PPARA: variants seen among roughly 807,000 people sequenced by gnomAD.
PPARA encodes peroxisome proliferator activated receptor alpha.
In PPARA, 22 loss-of-function variants were observed where a neutral mutation model predicts 42.2. The observed-to-expected ratio is 0.52, with a 90% CI of 0.37 to 0.74. PPARA has a LOEUF of 0.74. PPARA is among the 30% of genes least tolerant of loss of function. The pLI is 0.00. For missense variants in PPARA, 465 were observed against 608.2 expected (o/e 0.76, Z 2.48); for synonymous variants, 242 against 239.3 (o/e 1.01, Z -0.10).
intron 4 of PPARA, among the ~76,000 whole-genome samples, chr22:46,208,140 T>C (rs926166281): frequency 2.0e-5 from 3 of 152,216 alleles, no homozygotes; most frequent in Non-Finnish European, 2.9e-5. Context: ...AAATAATAAT[T>C]GTATTTTTAT....
chr22:46,167,869 T>G lies in PPARA; in HGVS notation c.-126-8884T>G. Among the ~76,000 whole-genome samples, 1 of 142,954 alleles carries G rather than the reference T, an allele frequency of 7.0e-6. No homozygotes were observed. The allele number at this position is 142,954 out of a possible 152,430, so 93.8% of individuals were successfully genotyped here. Reference sequence around the variant, plus strand: ...AGCAGCCTGGGCAACATAACAAGAGTGGGTCTTTACCAAAAAAAAAAAATA... The same window carrying G: ...AGCAGCCTGGGCAACATAACAAGAGGGGGTCTTTACCAAAAAAAAAAAATA... On this transcript the variant is annotated intron_variant, in intron 2 of 8. Coordinates refer to ENST00000407236, the MANE Select transcript of PPARA (RefSeq NM_005036.6). This position sits in a 1 kb window ranked among gnomAD's most constrained non-coding sequence, Gnocchi z 4.1.
Position 46,204,945 on chromosome 22 carries a change from G to T in PPARA, c.208+6354G>T, listed in dbSNP as rs1933079916. Among the ~76,000 whole-genome samples the T allele has an allele frequency of 2.0e-5, 3 of 151,940 alleles. No individual in the cohort carries two copies. The South Asian group carries it at 6.2e-4, about 32-fold the overall frequency. ...TGCAGTGGTGCGATCATGGCTTACT[G>T]CAGCCTTGACCTCTTGGGCTCAGGA... On this transcript the variant is annotated intron_variant, in intron 4 of 8. Coordinates refer to ENST00000407236, the MANE Select transcript of PPARA (RefSeq NM_005036.6). This position sits in a 1 kb window ranked among gnomAD's most constrained non-coding sequence, Gnocchi z 5.2.
rs1601779158 is a variant in PPARA, at chr22:46,216,711, C to A, written c.369+1378C>A. Among the ~76,000 whole-genome samples, 1 of 152,228 alleles carries A rather than the reference C, an allele frequency of 6.6e-6. No individual in the cohort carries two copies. The highest frequency in any genetic ancestry group is 1.5e-5 in the Non-Finnish European group (1 of 68,036). ...ATCTTCATCCTCCTGCTGGCTCAGCCTGCCCTAAACAGATGTGACCTGGGC... is the reference window on the plus strand; with the variant it reads ...ATCTTCATCCTCCTGCTGGCTCAGCATGCCCTAAACAGATGTGACCTGGGC... On this transcript the variant is annotated intron_variant, in intron 5 of 8. Transcript: ENST00000407236. This position sits in a 1 kb window ranked among gnomAD's most constrained non-coding sequence, Gnocchi z 4.5.
In PPARA at chr22:46,193,426, ATAACT is replaced by A. The variant is rs758384184; in HGVS notation, c.-42-4912_-42-4908del. ...TAATAACTTAATGGTATATTTTTAA[ATAACT>A]TAAAGAGTATAATTGGATTGTTGTA... On this transcript the variant is annotated intron_variant, in intron 3 of 8. Transcript: ENST00000407236. This position sits in a 1 kb window ranked among gnomAD's most constrained non-coding sequence, Gnocchi z 5.3. Among the ~76,000 whole-genome samples, 3 of 152,158 alleles carry A rather than the reference ATAACT, an allele frequency of 2.0e-5. No homozygotes were observed. The highest frequency in any genetic ancestry group is 2.9e-5 in the Non-Finnish European group (2 of 68,030).
rs749157002 is a variant in PPARA at position 46,192,535 on chromosome 22, C to T, written c.-42-5807C>T. ...ACAATTTTCATATACTCTGTTTCAT[C>T]GTTCTCAAAGGAATATTTTGATTGA... On this transcript the variant is annotated intron_variant, in intron 3 of 8. Coordinates refer to ENST00000407236, the MANE Select transcript of PPARA (RefSeq NM_005036.6). The surrounding 1 kb of genome is among the most constrained non-coding windows in gnomAD (Gnocchi z 4.3). Among the ~76,000 whole-genome samples the T allele has an allele frequency of 2.6e-5, 4 of 152,136 alleles. No individual in the cohort carries two copies. The highest frequency in any genetic ancestry group is 4.4e-5 in the Non-Finnish European group (3 of 68,034).
At position 46,236,916 on chromosome 22, in the gene PPARA, A is replaced by G. The variant is rs1455098427; in HGVS notation, c.*1536A>G. On this transcript the variant is annotated 3_prime_UTR_variant, in exon 9 of 9. Coordinates refer to ENST00000407236, the MANE Select transcript of PPARA (RefSeq NM_005036.6). The surrounding 1 kb of genome is among the most constrained non-coding windows in gnomAD (Gnocchi z 5.2). The stretch of plus-strand genomic sequence containing the variant: ...TTTAGCCTTCAAAACCAACTTACCA[A>G]CCTCAGTCCAGCTGGGAAGGCAGCG... The G allele has an allele frequency of 2.0e-5, 3 of 152,100 alleles. No homozygotes were observed. Among genetic ancestry groups the G allele is most frequent in the African/African-American group, 7.2e-5 (3 of 41,410 alleles). 9.4% of individuals were successfully genotyped at this position (152,100 alleles called of 1,614,324 possible). A position where few individuals can be genotyped will look rare whatever the true frequency, so the allele number is the denominator to read the frequency against.
chr22:46,172,319 A>T (rs895249735), intron 2 of PPARA, among the ~76,000 whole-genome samples: 6 of 36,346 alleles, frequency 1.7e-4, no homozygotes, highest in Non-Finnish European at 2.5e-4. Context: ...GCAAGTAATT[A>T]AAAAAAAAAA....
Position 46,163,748 on chromosome 22 carries a change from G to A in PPARA, c.-127+11778G>A, listed in dbSNP as rs1033557042. ...GGGCTCCTGGGCCCCGCTGCATCAA[G>A]TGAAAGCAGGGCTGGCTCCCTGATG... is the stretch of plus-strand genomic sequence containing the variant. On this transcript the variant is annotated intron_variant, in intron 2 of 8. Transcript: ENST00000407236. This position sits in a 1 kb window ranked among gnomAD's most constrained non-coding sequence, Gnocchi z 4.9. The A allele has an allele frequency of 6.6e-6, 1 of 152,244 alleles. No homozygotes were observed. Among genetic ancestry groups the A allele is most frequent in the Non-Finnish European group, 1.5e-5 (1 of 68,046 alleles). The allele number at this position is 152,244 out of a possible 1,614,324, so 9.4% of individuals were successfully genotyped here.
In PPARA at chr22:46,231,843, G is replaced by A; in HGVS notation, c.763G>A (p.Val255Met). The A allele has an allele frequency of 6.2e-7, 1 of 1,614,012 alleles. No homozygotes were observed. The highest frequency in any genetic ancestry group is 2.2e-5 in the East Asian group (1 of 44,888). Residue 255 changes from valine (V) to methionine (M), a missense_variant, in exon 8 of 9, where the codon GTG becomes ATG. Transcript: ENST00000407236. The surrounding 1 kb of genome is among the most constrained non-coding windows in gnomAD (Gnocchi z 7.7). ...ACTGTGTATGGCTGAGAAGACGCTG[G>A]TGGCCAAGCTGGTGGCCAATGGCAT... ...ETLCMAEKTLVAKLVANGIQN... is the reference protein window; with the variant it reads ...ETLCMAEKTLMAKLVANGIQN...
intron 5 of PPARA, among the ~76,000 whole-genome samples, chr22:46,217,521 T>C (rs1276481309): frequency 6.6e-6 from 1 of 152,194 alleles, no homozygotes; most frequent in Non-Finnish European, 1.5e-5. Context: ...CTGGCTTCCT[T>C]TTATTATAAT....
intron 4 of PPARA, among the ~76,000 whole-genome samples, chr22:46,205,442 ACT>A (rs1457479081): frequency 1.5e-5 from 2 of 134,550 alleles, no homozygotes; most frequent in Admixed American, 7.8e-5. Context: ...TTGGTCTCAA[ACT>A]CCTGGGCTCA....
At position 46,212,238 on chromosome 22, in the gene PPARA, G is replaced by A. The variant is rs903406970; in HGVS notation, c.209-2935G>A. ...AGCCCAGCAAATTTTTGTATTTTTT[G>A]TAAAGATAGGGTTTCACCATGTTGC... On this transcript the variant is annotated intron_variant, in intron 4 of 8. Coordinates refer to ENST00000407236, the MANE Select transcript of PPARA (RefSeq NM_005036.6). This position sits in a 1 kb window ranked among gnomAD's most constrained non-coding sequence, Gnocchi z 4.2. 6.6e-6 allele frequency among the ~76,000 whole-genome samples: 1 copy of A among 151,018 alleles called. No individual in the cohort carries two copies. The highest frequency in any genetic ancestry group is 2.1e-4 in the South Asian group (1 of 4,770).
chr22:46,173,990 G>A lies in PPARA; in HGVS notation c.-126-2763G>A, dbSNP rs1928497583. Among the ~76,000 whole-genome samples the A allele has an allele frequency of 1.1e-5, 1 of 90,652 alleles. No individual in the cohort carries two copies. The highest frequency in any genetic ancestry group is 2.8e-4 in the East Asian group (1 of 3,608). The allele number at this position is 90,652 out of a possible 152,430, so 59.5% of individuals were successfully genotyped here. Reference sequence around the variant, plus strand: ...GAGGCCGAGGTGGGTGGATTGTGAGGTCAGGAGATCGAGACCCTCTCTACT... The same window carrying A: ...GAGGCCGAGGTGGGTGGATTGTGAGATCAGGAGATCGAGACCCTCTCTACT... On this transcript the variant is annotated intron_variant, in intron 2 of 8. Coordinates refer to ENST00000407236, the MANE Select transcript of PPARA (RefSeq NM_005036.6). This position sits in a 1 kb window ranked among gnomAD's most constrained non-coding sequence, Gnocchi z 4.3.
Position 46,188,795 on chromosome 22 carries a change from C to T in PPARA, c.-42-9547C>T, listed in dbSNP as rs927494622. On this transcript the variant is annotated intron_variant, in intron 3 of 8. Coordinates refer to ENST00000407236, the MANE Select transcript of PPARA (RefSeq NM_005036.6). This position sits in a 1 kb window ranked among gnomAD's most constrained non-coding sequence, Gnocchi z 5.0. ...AGCTGAGATTGCCTGTCTGTGGTCTCCAGCGTTAAGCACAGTCATTAGCTC... is the reference window on the plus strand; with the variant it reads ...AGCTGAGATTGCCTGTCTGTGGTCTTCAGCGTTAAGCACAGTCATTAGCTC... 6.6e-6 allele frequency: 1 copy of T among 152,202 alleles called. No individual in the cohort carries two copies. Among genetic ancestry groups the T allele is most frequent in the Non-Finnish European group, 1.5e-5 (1 of 68,060 alleles). The allele number at this position is 152,202 out of a possible 1,614,324, so 9.4% of individuals were successfully genotyped here. A position where few individuals can be genotyped will look rare whatever the true frequency, so the allele number is the denominator to read the frequency against.
At chr22:46,155,669 G>A (rs1043365412) in intron 2 of PPARA, 2 of 152,138 alleles carry the variant, frequency 1.3e-5, no homozygotes, top group Non-Finnish European at 2.9e-5. Flanking sequence ...AATGTGCTAT[G>A]TCTGTCATTT....
Position 46,188,994 on chromosome 22 carries a change from T to A in PPARA, c.-42-9348T>A, listed in dbSNP as rs547809628. Among the ~76,000 whole-genome samples the A allele has an allele frequency of 6.6e-6, 1 of 152,368 alleles. No homozygotes were observed. The highest frequency in any genetic ancestry group is 1.9e-4 in the East Asian group (1 of 5,190). On this transcript the variant is annotated intron_variant, in intron 3 of 8. Transcript: ENST00000407236. The surrounding 1 kb of genome is among the most constrained non-coding windows in gnomAD (Gnocchi z 5.0). The stretch of plus-strand genomic sequence containing the variant: ...GGCCAGGCCACTGCGCCCAGGCTGC[T>A]TCCTCGTCATCTGGCTGCTAAATGC...
Position 46,232,002 on chromosome 22 carries a change from T to C in PPARA, c.922T>C (p.Leu308=), listed in dbSNP as rs1199484785. Reference sequence around the variant, plus strand: ...CTTGGACCTGAACGATCAAGTGACATTGCTAAAATACGGAGTTTATGAGGC... The same window carrying C: ...CTTGGACCTGAACGATCAAGTGACACTGCTAAAATACGGAGTTTATGAGGC... ...ANLDLNDQVT[L]LKYGVYEAIF... Residue 308 remains leucine (L), a synonymous_variant, in exon 8 of 9, where the codon TTG becomes CTG. Transcript: ENST00000407236. This position sits in a 1 kb window ranked among gnomAD's most constrained non-coding sequence, Gnocchi z 5.3. The C allele has an allele frequency of 1.9e-6, 3 of 1,614,088 alleles. No homozygotes were observed. The highest frequency in any genetic ancestry group is 2.5e-6 in the Non-Finnish European group (3 of 1,180,046).
rs556690489 is a variant in PPARA at position 46,160,335 on chromosome 22, C to T, written c.-127+8365C>T. Among the ~76,000 whole-genome samples the T allele has an allele frequency of 2.6e-4, 40 of 152,336 alleles. No homozygotes were observed. Among genetic ancestry groups the T allele is most frequent in the Non-Finnish European group, 4.9e-4 (33 of 68,032 alleles). On this transcript the variant is annotated intron_variant, in intron 2 of 8. Coordinates refer to ENST00000407236, the MANE Select transcript of PPARA (RefSeq NM_005036.6). This position sits in a 1 kb window ranked among gnomAD's most constrained non-coding sequence, Gnocchi z 4.5. ...TTTTTGAGATGGAGTCTCGCTCTGT[C>T]ACCCAGGCCGGAGTGCAGTGGTGCG...
intron 2 of PPARA, among the ~76,000 whole-genome samples, chr22:46,170,437 C>T (rs929961393): frequency 7.0e-5 from 6 of 85,618 alleles, no homozygotes; most frequent in Non-Finnish European, 1.1e-4. Flanking sequence ...TTTGTAGGGA[C>T]GGGGTTTTGT....
Sources: gnomAD v4.1 joint callset for allele counts (sites outside exome capture counted in the v4.1 genomes callset) on GRCh38, gnomAD v4.1.1 for gene constraint, Gnocchi (gnomAD v3.1) non-coding constraint, MANE v1.5 for transcripts, NCBI Gene and HGNC (gene_info 2026-07-23, HGNC 2026-07-21) for gene names.